Variants in PCDH17 observed in about 807,000 individuals in gnomAD.
The protein encoded by PCDH17 is protocadherin-17.
A neutral mutation model predicts 67.7 loss-of-function variants in PCDH17; 21 were observed. The ratio of observed to expected loss-of-function variants is 0.31; its 90% confidence interval spans 0.22 to 0.45. PCDH17 has a LOEUF of 0.45. Among genes scored for constraint, PCDH17 ranks in the 20% least tolerant of loss-of-function variants. The probability of loss-of-function intolerance (pLI) is 1.00; values close to 1 mark genes in which losing one functional copy is unlikely to be tolerated. For missense variants in PCDH17, 1,471 were observed against 1,564.8 expected, an observed-to-expected ratio of 0.94 and a Z score of 1.01; for synonymous variants, 701 against 656.7, an observed-to-expected ratio of 1.07 and a Z score of -1.03.
intron 3 of PCDH17, among the ~76,000 whole-genome samples, chr13:57,687,147 G>A (rs1955516000): frequency 6.6e-6 from 1 of 152,000 alleles, no homozygotes; most frequent in Non-Finnish European, 1.5e-5. Flanking sequence ...TGCAATTTTA[G>A]GTACTTTATT....
In PCDH17 at chr13:57,633,027, G is replaced by A. The variant is rs1371339955; in HGVS notation, c.481G>A (p.Ala161Thr). The A allele has an allele frequency of 3.1e-6, 5 of 1,612,642 alleles. No homozygotes were observed. The African/African-American group carries it at 6.7e-5, about 22-fold the overall frequency. The change falls in exon 1 of 4, where the codon GCC becomes ACC. Residue 161 changes from alanine to threonine, a missense_variant. By Grantham distance (58) the Ala-to-Thr change is moderately conservative. This residue lies in a region of PCDH17 where 1,163 missense variants were observed against 1,230.0 expected (regional missense o/e 0.95). Coordinates refer to ENST00000377918, the MANE Select transcript of PCDH17 (RefSeq NM_001040429.3). This position sits in a 1 kb window ranked among gnomAD's most constrained non-coding sequence, Gnocchi z 6.2. Reference sequence around the variant, plus strand: ...CCTCACCAGCGCACATGACCCCGACGCCGGCGAGAATGGGCTCCGCACCTA... The same window carrying A: ...CCTCACCAGCGCACATGACCCCGACACCGGCGAGAATGGGCTCCGCACCTA... The part of the protein sequence containing the change: ...FPLTSAHDPD[A>T]GENGLRTYLL...
chr13:57,724,007 A>G (rs1044034169), intron 3 of PCDH17, among the ~76,000 whole-genome samples: 11 of 152,220 alleles, frequency 7.2e-5, no homozygotes, highest in South Asian at 2.1e-4. Context: ...CTAATAAAAT[A>G]GAGATGTGCA....
chr13:57,643,650 TAA>T (rs2137988185), intron 1 of PCDH17, among the ~76,000 whole-genome samples: 1 of 151,758 alleles, frequency 6.6e-6, no homozygotes, highest in South Asian at 2.1e-4. Context: ...AGAGCAGTTA[TAA>T]GTCATACAAA....
At chr13:57,674,711 T>A (rs1255738514) in intron 3 of PCDH17, among the ~76,000 whole-genome samples, 6 of 151,942 alleles carry the variant, frequency 3.9e-5, no homozygotes, top group Non-Finnish European at 8.8e-5. Flanking sequence ...ACTATTAAAA[T>A]TCAGACTAGT....
At chr13:57,644,811 C>T (rs893422962) in intron 1 of PCDH17, among the ~76,000 whole-genome samples, 5 of 151,636 alleles carry the variant, frequency 3.3e-5, no homozygotes, top group Non-Finnish European at 7.4e-5. Context: ...TGTAATGTCT[C>T]AGGAAAGGAG....
chr13:57,697,963 A>G (rs1955626880), intron 3 of PCDH17, among the ~76,000 whole-genome samples: 1 of 151,586 alleles, frequency 6.6e-6, no homozygotes, highest in Non-Finnish European at 1.5e-5. Context: ...ATATTTGTTA[A>G]TAGTCCTGAT....
chr13:57,637,536 T>C (rs1954838744), intron 1 of PCDH17, among the ~76,000 whole-genome samples: 2 of 151,942 alleles, frequency 1.3e-5, no homozygotes, highest in African/African-American at 4.8e-5. Context: ...TTCAGGTGCT[T>C]TTATTAGTGT....
At chr13:57,654,345 A>C (rs1275067462) in intron 1 of PCDH17, among the ~76,000 whole-genome samples, 1 of 152,124 alleles carries the variant, frequency 6.6e-6, no homozygotes, top group African/African-American at 2.4e-5. Context: ...AAAAACAGAT[A>C]ATGGGCCATG....
intron 3 of PCDH17, among the ~76,000 whole-genome samples, chr13:57,683,299 G>A (rs950893430): frequency 6.6e-6 from 1 of 151,806 alleles, no homozygotes; most frequent in African/African-American, 2.4e-5. Context: ...CTTCCATCAG[G>A]TTTTAACAAT....
At chr13:57,700,845 G>A (rs1025612261) in intron 3 of PCDH17, among the ~76,000 whole-genome samples, 2 of 151,962 alleles carry the variant, frequency 1.3e-5, no homozygotes, top group African/African-American at 4.8e-5. Flanking sequence ...GGTTATTTTC[G>A]CAGTGTTCAA....
At chr13:57,653,145 A>T (rs1229526993) in intron 1 of PCDH17, among the ~76,000 whole-genome samples, 1 of 152,148 alleles carries the variant, frequency 6.6e-6, no homozygotes, top group African/African-American at 2.4e-5. Context: ...ATTTAATGTT[A>T]AATTTATTTA....
intron 3 of PCDH17, among the ~76,000 whole-genome samples, chr13:57,693,429 C>T (rs889981086): frequency 2.0e-5 from 3 of 146,640 alleles, no homozygotes; most frequent in Non-Finnish European, 4.5e-5. Context: ...TTACACTGCT[C>T]TTTCATACTT....
At position 57,633,901 on chromosome 13, in the gene PCDH17, T is replaced by G; in HGVS notation, c.1355T>G (p.Leu452Arg). 6.2e-7 allele frequency: 1 copy of G among 1,613,112 alleles called. No individual in the cohort carries two copies. Among genetic ancestry groups the G allele is most frequent in the Non-Finnish European group, 8.5e-7 (1 of 1,180,004 alleles). The change falls in exon 1 of 4, where the codon CTC (leucine) becomes CGC (arginine). Residue 452 changes from leucine to arginine, a missense_variant. Around this residue, in one of 3 missense-constraint regions of PCDH17, gnomAD observed 1,163 missense variants for 1,230.0 expected, o/e 0.95. Transcript: ENST00000377918. This position sits in a 1 kb window ranked among gnomAD's most constrained non-coding sequence, Gnocchi z 6.2. ...GCGCGGGACGGGGGCTCTCCTCCCC[T>G]CAACTCCACCAAGTCGTTCGCGATC... ...IVARDGGSPP[L>R]NSTKSFAIKI...
chr13:57,703,129 A>G (rs1566241697), intron 3 of PCDH17, among the ~76,000 whole-genome samples: 1 of 152,134 alleles, frequency 6.6e-6, no homozygotes, highest in Non-Finnish European at 1.5e-5. Context: ...TTTTGCCAAG[A>G]TAAGAATTTA....
intron 3 of PCDH17, among the ~76,000 whole-genome samples, chr13:57,715,502 T>G (rs1465920939): frequency 6.6e-6 from 1 of 151,806 alleles, no homozygotes. Flanking sequence ...TAAAAAATAA[T>G]AAGGAATGCA....
chr13:57,647,837 T>C (rs1395481238), intron 1 of PCDH17, among the ~76,000 whole-genome samples: 1 of 151,898 alleles, frequency 6.6e-6, no homozygotes, highest in Non-Finnish European at 1.5e-5. Context: ...GATAAAATTC[T>C]CCATCTGCTA....
intron 3 of PCDH17, among the ~76,000 whole-genome samples, chr13:57,688,916 C>T (rs747203739): frequency 1.3e-5 from 2 of 152,002 alleles, no homozygotes; most frequent in African/African-American, 2.4e-5. Context: ...TTGTATCAAC[C>T]TCTACTCTAA....
At chr13:57,664,805 T>G (rs1955229667) in intron 1 of PCDH17, among the ~76,000 whole-genome samples, 1 of 152,212 alleles carries the variant, frequency 6.6e-6, no homozygotes, top group Non-Finnish European at 1.5e-5. Context: ...GACTAAGTAA[T>G]TATAGTTTAA....
At chr13:57,673,675 A>G (rs896844662) in intron 3 of PCDH17, among the ~76,000 whole-genome samples, 1 of 151,970 alleles carries the variant, frequency 6.6e-6, no homozygotes, top group Non-Finnish European at 1.5e-5. Flanking sequence ...AAACTGTTGA[A>G]TATTTAACAC....
Sources: gnomAD v4.1 joint callset for allele counts (sites outside exome capture counted in the v4.1 genomes callset) on GRCh38, gnomAD v4.1.1 for gene constraint, gnomAD v4.1.1 regional missense constraint, Gnocchi (gnomAD v3.1) non-coding constraint, MANE v1.5 for transcripts, NCBI Gene and HGNC (gene_info 2026-07-23, HGNC 2026-07-21) for gene names.